NKTR: variants seen among roughly 807,000 people sequenced by gnomAD.
The protein encoded by NKTR is NK-tumor recognition protein.
A neutral mutation model predicts 156.3 loss-of-function variants in NKTR; 67 were observed. The ratio of observed to expected loss-of-function variants is 0.43; its 90% CI spans 0.35 to 0.53. The LOEUF is 0.53. Among genes scored for constraint, NKTR ranks in the 20% least tolerant of loss-of-function variants. The pLI, the probability that NKTR is intolerant of heterozygous loss-of-function variation, is 0.01. For synonymous variants in NKTR, 640 were observed against 596.6 expected (o/e 1.07, Z -1.06); for missense variants, 1,604 against 1,730.9 (o/e 0.93, Z 1.30).
rs577626021 is a variant in NKTR at position 42,614,947 on chromosome 3, CT to C, written c.59-2621del. Among the ~76,000 whole-genome samples the C allele has an allele frequency of 3.0e-3, 461 of 151,918 alleles. 3 individuals carry two copies. The highest frequency in any genetic ancestry group is 0.011 in the African/African-American group (445 of 41,460). ...GTTTTGTTGTATTTTTCCTCTTGCT[CT>C]TAACAACATAATGCCATAGAGGAGA... On this transcript the variant is annotated intron_variant, in intron 2 of 16. Coordinates refer to ENST00000232978, the MANE Select transcript of NKTR (RefSeq NM_005385.4).
chr3:42,615,376 G>T (rs1707254204), intron 2 of NKTR, among the ~76,000 whole-genome samples: 1 of 151,564 alleles, frequency 6.6e-6, no homozygotes, highest in African/African-American at 2.4e-5. Flanking sequence ...ACCATGCCTG[G>T]CCGAGATTTT....
intron 2 of NKTR, among the ~76,000 whole-genome samples, chr3:42,615,746 C>G (rs1231149746): frequency 2.0e-5 from 3 of 152,154 alleles, no homozygotes; most frequent in African/African-American, 4.8e-5. Flanking sequence ...TGATTTTGAA[C>G]TTGACACCAG....
chr3:42,630,490 CTT>C, intron 6 of NKTR, 54 bp from the exon 7 acceptor site: 9 of 1,609,946 alleles, frequency 5.6e-6, no homozygotes, highest in Non-Finnish European at 7.6e-6. Flanking sequence ...TTTCTGCTCT[CTT>C]CACCTGAACA....
At chr3:42,643,286 GCCTGT>G in intron 14 of NKTR, 48 bp from the exon 15 acceptor site, 1 of 1,434,588 alleles carries the variant, frequency 7.0e-7, no homozygotes, top group Non-Finnish European at 9.8e-7. Flanking sequence ...ATTTGGTATA[GCCTGT>G]CCTGCCCTGA....
intron 2 of NKTR, among the ~76,000 whole-genome samples, chr3:42,604,191 C>T (rs1705936889): frequency 6.6e-6 from 1 of 152,034 alleles, no homozygotes. Flanking sequence ...TGTCTTTTTC[C>T]TTTGTCAGTC....
rs1336938069 is a variant in NKTR at position 42,636,803 on chromosome 3, C to T, written c.1164-65C>T. 32 of 1,491,886 alleles carry T rather than the reference C, an allele frequency of 2.1e-5. No homozygotes were observed. In the Admixed American group the frequency reaches 7.8e-4, roughly 36 times the overall value. 92.4% of individuals were successfully genotyped at this position (1,491,886 alleles called of 1,614,324 possible). On this transcript the variant is annotated intron_variant, in intron 12 of 16. Transcript: ENST00000232978. ...GTCAAGAACTTTGTTGTTAACAAAGCTGTGTCTTAAGGTGTAGAAAACATG... is the reference window on the plus strand; with the variant it reads ...GTCAAGAACTTTGTTGTTAACAAAGTTGTGTCTTAAGGTGTAGAAAACATG...
In NKTR at chr3:42,646,769, A is replaced by G. The variant is rs1370510940; in HGVS notation, c.*794A>G. On this transcript the variant is annotated 3_prime_UTR_variant, in exon 17 of 17. Coordinates refer to ENST00000232978, the MANE Select transcript of NKTR (RefSeq NM_005385.4). Reference sequence around the variant, plus strand: ...GCGTCTTTAAGCATTACTCTTATATATCATATATTAAAATACCATAAAAAT... The same window carrying G: ...GCGTCTTTAAGCATTACTCTTATATGTCATATATTAAAATACCATAAAAAT... 4 of 152,614 alleles carry G rather than the reference A, an allele frequency of 2.6e-5. No individual in the cohort carries two copies. The highest frequency in any genetic ancestry group is 2.0e-4 in the Admixed American group (3 of 15,284). The allele number at this position is 152,614 out of a possible 1,614,324, so 9.5% of individuals were successfully genotyped here.
intron 12 of NKTR, among the ~76,000 whole-genome samples, chr3:42,636,589 T>C (rs1559582662): frequency 6.6e-6 from 1 of 152,214 alleles, no homozygotes; most frequent in Non-Finnish European, 1.5e-5. Flanking sequence ...GCAGTGTTCT[T>C]GTGATTAGTT....
chr3:42,602,199 G>C (rs1455501486), intron 2 of NKTR: 1 of 152,146 alleles, frequency 6.6e-6, no homozygotes, highest in Non-Finnish European at 1.5e-5. Context: ...TTAATGTTTA[G>C]CTGTGTTTAG....
Position 42,638,841 on chromosome 3 carries a change from A to C in NKTR, c.3137A>C (p.Glu1046Ala), listed in dbSNP as rs776666632. 6.2e-7 allele frequency: 1 copy of C among 1,602,028 alleles called. No homozygotes were observed. The highest frequency in any genetic ancestry group is 8.5e-7 in the Non-Finnish European group (1 of 1,177,028). ...TQESKEKKVSENNETIKDNIL... is the reference protein window; with the variant it reads ...TQESKEKKVSANNETIKDNIL... Reference sequence around the variant, plus strand: ...GAATCAAAAGAGAAAAAAGTTTCTGAAAACAATGAAACCATAAAAGATAAT... The same window carrying C: ...GAATCAAAAGAGAAAAAAGTTTCTGCAAACAATGAAACCATAAAAGATAAT... Residue 1046 changes from glutamate (E) to alanine (A), a missense_variant, in exon 13 of 17, where the codon GAA (glutamate) becomes GCA (alanine). Physicochemically the swap from Glu to Ala is moderately radical, Grantham distance 107. Around this residue, in one of 6 missense-constraint regions of NKTR, gnomAD observed 1,255 missense variants for 1,243.7 expected, o/e 1.01. Coordinates refer to ENST00000232978, the MANE Select transcript of NKTR (RefSeq NM_005385.4).
chr3:42,604,945 C>T (rs1183191202), intron 2 of NKTR, among the ~76,000 whole-genome samples: 1 of 151,956 alleles, frequency 6.6e-6, no homozygotes, highest in Admixed American at 6.6e-5. Context: ...CTGCCTCGGC[C>T]TCTCGAAGTG....
chr3:42,646,453 T>C lies in NKTR; in HGVS notation c.*478T>C, dbSNP rs1331031772. The C allele has an allele frequency of 3.2e-5, 5 of 154,696 alleles. No homozygotes were observed. Among genetic ancestry groups the C allele is most frequent in the African/African-American group, 1.2e-4 (5 of 41,464 alleles). The allele number at this position is 154,696 out of a possible 1,614,324, so 9.6% of individuals were successfully genotyped here. A position where few individuals can be genotyped will look rare whatever the true frequency, so the allele number is the denominator to read the frequency against. On this transcript the variant is annotated 3_prime_UTR_variant, in exon 17 of 17. Coordinates refer to ENST00000232978, the MANE Select transcript of NKTR (RefSeq NM_005385.4). Reference sequence around the variant, plus strand: ...TGCTCTAAAAACAAACCACCCAGAATTGATACTGTTGGTAACCAGGAGTAT... The same window carrying C: ...TGCTCTAAAAACAAACCACCCAGAACTGATACTGTTGGTAACCAGGAGTAT...
intron 2 of NKTR, chr3:42,601,923 G>C (rs1046403826): frequency 6.6e-6 from 1 of 152,128 alleles, no homozygotes; most frequent in Non-Finnish European, 1.5e-5. Context: ...TATTCTATTG[G>C]GGGGAAGACG....
At chr3:42,636,422 A>G (rs6790204) in intron 12 of NKTR, among the ~76,000 whole-genome samples, 17,748 of 152,080 alleles carry the variant, frequency 0.12, 1,189 homozygotes, top group African/African-American at 0.17. Flanking sequence ...TGAGGTGGAG[A>G]AAAAACAAGC....
At chr3:42,632,554 T>C (rs1709018950) in intron 8 of NKTR, 47 bp from the exon 9 acceptor site, 1 of 1,143,982 alleles carries the variant, frequency 8.7e-7, no homozygotes, top group Non-Finnish European at 1.3e-6. Context: ...CTCTGAAAGG[T>C]AGGCACTGAA....
Position 42,639,367 on chromosome 3 carries a change from C to T in NKTR, c.3663C>T (p.Leu1221=). Residue 1221 remains leucine (L), a synonymous_variant, in exon 13 of 17, where the codon CTC becomes CTT. Transcript: ENST00000232978. ...TGGCTGAGAAGAGCCAGATCAACCTCATTGATAAGAAATGGAAGCCCCTGC... is the reference window on the plus strand; with the variant it reads ...TGGCTGAGAAGAGCCAGATCAACCTTATTGATAAGAAATGGAAGCCCCTGC... ...KEVAEKSQIN[L]IDKKWKPLQG... is the part of the protein sequence containing the mutation. 1 of 1,614,082 alleles carries T rather than the reference C, an allele frequency of 6.2e-7. No homozygotes were observed. The highest frequency in any genetic ancestry group is 8.5e-7 in the Non-Finnish European group (1 of 1,179,988).
At chr3:42,644,838 C>T (rs1018043539) in intron 16 of NKTR, among the ~76,000 whole-genome samples, 7 of 152,190 alleles carry the variant, frequency 4.6e-5, no homozygotes, top group African/African-American at 1.7e-4. Context: ...GATGCCTAAT[C>T]CTAGGATACA....
In NKTR at chr3:42,639,098, T is replaced by A. The variant is rs1211468232; in HGVS notation, c.3394T>A (p.Cys1132Ser). 2 of 1,614,190 alleles carry A rather than the reference T, an allele frequency of 1.2e-6. No homozygotes were observed. The highest frequency in any genetic ancestry group is 3.3e-5 in the Admixed American group (2 of 60,020). The part of the protein sequence containing the change: ...VLQTDDNMEI[C>S]TPDRSSPAKV... ...TCAAACAGATGACAACATGGAGATC[T>A]GCACTCCTGATAGGAGTTCCCCAGC... The change falls in exon 13 of 17, where the codon TGC (cysteine) becomes AGC (serine). Residue 1132 changes from cysteine (C) to serine (S), a missense_variant. Transcript: ENST00000232978.
chr3:42,630,672 A>T, intron 7 of NKTR, 97 bp downstream of exon 7: 1 of 1,572,772 alleles, frequency 6.4e-7, no homozygotes, highest in South Asian at 1.2e-5. Context: ...AGCGCTCTTG[A>T]TGTCTGGCTT....
Sources: allele counts gnomAD v4.1 joint callset (sites outside exome capture counted in the v4.1 genomes callset), GRCh38; gene constraint gnomAD v4.1.1; regional missense constraint gnomAD v4.1.1; transcripts MANE v1.5; gene names NCBI Gene and HGNC (gene_info 2026-07-23, HGNC 2026-07-21).